The following ALDH3A2 variants were observed in gnomAD, a reference collection of about 807,000 sequenced individuals.
ALDH3A2 encodes the protein aldehyde dehydrogenase 3 family member A2.
Under a neutral mutation model 51.3 loss-of-function variants are expected in ALDH3A2, and 36 were observed. That is an observed-to-expected ratio of 0.70 (90% CI 0.54 to 0.93). The LOEUF (loss-of-function observed/expected upper bound fraction) is 0.93. Ranked by LOEUF, ALDH3A2 falls within the 40% of genes least tolerant of loss-of-function variation. ALDH3A2 has a pLI of 0.00. For missense variants in ALDH3A2, 552 were observed against 603.1 expected (o/e 0.92, Z 0.89); for synonymous variants, 199 against 219.8 (o/e 0.91, Z 0.84).
intron 1 of ALDH3A2, among the ~76,000 whole-genome samples, chr17:19,650,803 G>A (rs547627568): frequency 2.8e-4 from 42 of 152,250 alleles, no homozygotes; most frequent in Middle Eastern, 3.4e-3. Flanking sequence ...GCAAGGCTTT[G>A]CTCTGGGTTT....
chr17:19,670,014 A>G, intron 8 of ALDH3A2, among the ~76,000 whole-genome samples: 1 of 152,210 alleles, frequency 6.6e-6, no homozygotes, highest in East Asian at 1.9e-4. Flanking sequence ...TCTGGCTCCA[A>G]AACCCACATA....
At position 19,648,791 on chromosome 17, in the gene ALDH3A2, G is replaced by A; in HGVS notation, c.-181G>A. 1.3e-6 allele frequency: 1 copy of A among 794,856 alleles called. No homozygotes were observed. Among genetic ancestry groups the A allele is most frequent in the South Asian group, 1.7e-5 (1 of 57,804 alleles). The allele number at this position is 794,856 out of a possible 1,614,324, so 49.2% of individuals were successfully genotyped here. A position where few individuals can be genotyped will look rare whatever the true frequency, so the allele number is the denominator to read the frequency against. ...CCTCCGACTGGCAGTGGGACTCAGC[G>A]GGCGTGGAGGTCGCGGCTGAGCGAG... is the stretch of plus-strand genomic sequence containing the variant. On this transcript the variant is annotated 5_prime_UTR_variant, in exon 1 of 10. Transcript: ENST00000176643.
intron 9 of ALDH3A2, chr17:19,674,503 C>CA (rs1334555275): frequency 4.6e-5 from 7 of 152,004 alleles, no homozygotes; most frequent in African/African-American, 4.8e-5. Context: ...TTAGCAGAAA[C>CA]AAAAAAATGT....
chr17:19,667,349 G>A (rs963037361), intron 8 of ALDH3A2, among the ~76,000 whole-genome samples: 5 of 151,820 alleles, frequency 3.3e-5, no homozygotes, highest in Admixed American at 6.6e-5. Context: ...TTGGTATTAC[G>A]ATTCTTATAT....
At chr17:19,666,382 G>A (rs1597567798) in intron 8 of ALDH3A2, among the ~76,000 whole-genome samples, 1 of 152,146 alleles carries the variant, frequency 6.6e-6, no homozygotes, top group South Asian at 2.1e-4. Context: ...TCCATATGGT[G>A]TCTCCACTGC....
chr17:19,661,330 C>A (rs767098327), intron 6 of ALDH3A2, 62 bp downstream of exon 6: 1 of 1,559,364 alleles, frequency 6.4e-7, no homozygotes, highest in Non-Finnish European at 8.8e-7. Context: ...GCTGACACTA[C>A]TTATTAACAC....
At chr17:19,675,262 A>C in intron 9 of ALDH3A2, 2 of 391,802 alleles carry the variant, frequency 5.1e-6, no homozygotes, top group Non-Finnish European at 9.1e-6. Context: ...TAGTACTCTC[A>C]TCTTCTGTCT....
intron 3 of ALDH3A2, chr17:19,656,156 G>T (rs2084892719): frequency 6.7e-6 from 4 of 600,542 alleles, no homozygotes; most frequent in Non-Finnish European, 1.2e-5. Flanking sequence ...CTCCAGATTA[G>T]TTCTATGTGG....
intron 9 of ALDH3A2, chr17:19,673,014 C>T (rs955092914): frequency 8.6e-7 from 1 of 1,165,136 alleles, no homozygotes; most frequent in South Asian, 1.2e-5. Context: ...GCACTCCAGC[C>T]TGGGCAATAG....
rs770986486 is a variant in ALDH3A2 at position 19,671,967 on chromosome 17, A to G, written c.1443+11A>G. The G allele has an allele frequency of 5.0e-6, 8 of 1,610,370 alleles. No homozygotes were observed. Among genetic ancestry groups the G allele is most frequent in the Non-Finnish European group, 6.8e-6 (8 of 1,176,564 alleles). ...GCTGTGCTTGTCAAGGTGAGTCCCT[A>G]TAACCCATGAGTGCCATTCAGTCTG... On this transcript the variant is annotated intron_variant, in intron 9 of 9. Transcript: ENST00000176643.
Position 19,671,879 on chromosome 17 carries a change from T to C in ALDH3A2, c.1366T>C (p.Leu456=). The C allele has an allele frequency of 6.2e-7, 1 of 1,614,240 alleles. No homozygotes were observed. The highest frequency in any genetic ancestry group is 8.5e-7 in the Non-Finnish European group (1 of 1,180,044). The change falls in exon 9 of 10, where the codon TTG becomes CTG. Residue 456 remains leucine, a synonymous_variant. Transcript: ENST00000176643. ...GGTGGATTGGGGAAAATTTTTTCTCTTGAAACGGTTCAACAAAGAAAAACT... is the reference window on the plus strand; with the variant it reads ...GGTGGATTGGGGAAAATTTTTTCTCCTGAAACGGTTCAACAAAGAAAAACT... The part of the protein sequence containing the change: ...SKVDWGKFFL[L]KRFNKEKLGL...
intron 5 of ALDH3A2, among the ~76,000 whole-genome samples, chr17:19,659,088 G>A (rs761377361): frequency 7.9e-5 from 12 of 151,928 alleles, no homozygotes; most frequent in South Asian, 2.1e-4. Flanking sequence ...AAAATTAGCC[G>A]GGCATGGTGG....
intron 6 of ALDH3A2, among the ~76,000 whole-genome samples, chr17:19,662,842 C>T (rs953665742): frequency 2.6e-5 from 4 of 152,118 alleles, no homozygotes; most frequent in Non-Finnish European, 5.9e-5. Context: ...CTCATCTCTA[C>T]TAAAAATACA....
At position 19,648,766 on chromosome 17, in the gene ALDH3A2, C is replaced by T. The variant is rs2084769290; in HGVS notation, c.-206C>T. On this transcript the variant is annotated 5_prime_UTR_variant, in exon 1 of 10. Transcript: ENST00000176643. ...GGTCGAGCTCAGTCCTCCCCCGGCGCCTCCGACTGGCAGTGGGACTCAGCG... is the reference window on the plus strand; with the variant it reads ...GGTCGAGCTCAGTCCTCCCCCGGCGTCTCCGACTGGCAGTGGGACTCAGCG... 1.5e-6 allele frequency: 1 copy of T among 671,226 alleles called. No homozygotes were observed. Among genetic ancestry groups the T allele is most frequent in the South Asian group, 1.9e-5 (1 of 53,506 alleles). The allele number at this position is 671,226 out of a possible 1,614,324, so 41.6% of individuals were successfully genotyped here. A position where few individuals can be genotyped will look rare whatever the true frequency, so the allele number is the denominator to read the frequency against.
At chr17:19,670,058 C>A (rs2085091829) in intron 8 of ALDH3A2, among the ~76,000 whole-genome samples, 1 of 152,188 alleles carries the variant, frequency 6.6e-6, no homozygotes, top group South Asian at 2.1e-4. Flanking sequence ...CTTTAGGACA[C>A]AGTACTATTT....
rs759058578 is a variant in ALDH3A2, at chr17:19,663,471, C to T, written c.1079C>T (p.Ala360Val). 3.1e-6 allele frequency: 5 copies of T among 1,613,954 alleles called. No homozygotes were observed. In the African/African-American group the frequency reaches 6.7e-5, roughly 22 times the overall value. Residue 360 changes from alanine (A) to valine (V), a missense_variant, in exon 7 of 10, where the codon GCT becomes GTT. Coordinates refer to ENST00000176643, the MANE Select transcript of ALDH3A2 (RefSeq NM_000382.3). ...ATAAATGAACGTGAAAAGCCTCTGG[C>T]TCTTTATGTATTTTCGCATAACCAT... ...NFINEREKPLALYVFSHNHKL... is the reference protein window; with the variant it reads ...NFINEREKPLVLYVFSHNHKL...
Position 19,654,592 on chromosome 17 carries a change from G to A in ALDH3A2, c.472-1774G>A, listed in dbSNP as rs549172317. 7.2e-5 allele frequency among the ~76,000 whole-genome samples: 11 copies of A among 152,270 alleles called. No homozygotes were observed. In the South Asian group the frequency reaches 2.3e-3, roughly 32 times the overall value. ...CCCCTCATTGCCCAGGGCTGGCGGC[G>A]CCGGCCAGCTGCTCCGAGTGTGGGG... On this transcript the variant is annotated intron_variant, in intron 3 of 9. Transcript: ENST00000176643. This position sits in a 1 kb window ranked among gnomAD's most constrained non-coding sequence, Gnocchi z 4.5.
intron 2 of ALDH3A2, 33 bp downstream of exon 2, chr17:19,651,811 T>C (rs2152326530): frequency 6.4e-7 from 1 of 1,561,702 alleles, no homozygotes; most frequent in Non-Finnish European, 8.8e-7. Flanking sequence ...TATACCTTTT[T>C]AGGGAGGCTT....
chr17:19,648,783 G>T lies in ALDH3A2; in HGVS notation c.-189G>T, dbSNP rs2084769767. The T allele has an allele frequency of 1.3e-6, 1 of 748,464 alleles. No individual in the cohort carries two copies. The highest frequency in any genetic ancestry group is 2.2e-6 in the Non-Finnish European group (1 of 462,262). The allele number at this position is 748,464 out of a possible 1,614,324, so 46.4% of individuals were successfully genotyped here. ...CCCCGGCGCCTCCGACTGGCAGTGG[G>T]ACTCAGCGGGCGTGGAGGTCGCGGC... is the stretch of plus-strand genomic sequence containing the variant. On this transcript the variant is annotated 5_prime_UTR_variant, in exon 1 of 10. Transcript: ENST00000176643.
Sources: allele counts gnomAD v4.1 joint callset (sites outside exome capture counted in the v4.1 genomes callset), GRCh38; gene constraint gnomAD v4.1.1; non-coding constraint Gnocchi (gnomAD v3.1); transcripts MANE v1.5; gene names NCBI Gene and HGNC (gene_info 2026-07-23, HGNC 2026-07-21).